The following ITPR1 variants were observed in gnomAD, a reference collection of about 807,000 sequenced individuals.
ITPR1 encodes inositol 1,4,5-trisphosphate receptor type 1.
ITPR1 carries 96 observed loss-of-function variants against 318.4 expected under a neutral mutation model. The ratio of observed to expected loss-of-function variants is 0.30; its 90% CI spans 0.26 to 0.36. ITPR1 has a LOEUF of 0.36. ITPR1 is among the 10% of genes least tolerant of loss of function. The pLI, the probability that ITPR1 is intolerant of heterozygous loss-of-function variation, is 1.00. For missense variants in ITPR1, 2,440 were observed against 3,460.2 expected, an observed-to-expected ratio of 0.71 and a Z score of 7.40; for synonymous variants, 1,312 against 1,289.9, an observed-to-expected ratio of 1.02 and a Z score of -0.37.
At chr3:4,767,802 T>C (rs1279324355) in intron 45 of ITPR1, among the ~76,000 whole-genome samples, 1 of 152,244 alleles carries the variant, frequency 6.6e-6, no homozygotes, top group African/African-American at 2.4e-5. Context: ...GTCCAGCCAC[T>C]GCGCTGGACT....
At chr3:4,510,038 G>C (rs1198166726) in intron 2 of ITPR1, among the ~76,000 whole-genome samples, 1 of 152,198 alleles carries the variant, frequency 6.6e-6, no homozygotes. Flanking sequence ...GTATAGAAGA[G>C]TATGTTGGAA....
At chr3:4,799,902 A>G (rs2048114993) in intron 53 of ITPR1, 1 of 152,586 alleles carries the variant, frequency 6.6e-6, no homozygotes, top group Non-Finnish European at 1.5e-5. Context: ...TTTAATAGAA[A>G]TTAAGTTTAG....
intron 61 of ITPR1, among the ~76,000 whole-genome samples, chr3:4,838,396 T>C (rs370601975): frequency 4.0e-5 from 6 of 150,172 alleles, no homozygotes; most frequent in African/African-American, 1.5e-4. Flanking sequence ...AGGACATTGG[T>C]GGCTACAGCT....
chr3:4,553,302 G>A (rs1195862898), intron 4 of ITPR1, among the ~76,000 whole-genome samples: 3 of 152,144 alleles, frequency 2.0e-5, no homozygotes, highest in Admixed American at 2.0e-4. Context: ...GACACAGATG[G>A]GCAGACTCCA....
In ITPR1 at chr3:4,702,856, G is replaced by T; in HGVS notation, c.4563G>T (p.Leu1521=). Residue 1521 remains leucine (L), a synonymous_variant, in exon 36 of 62, where the codon CTG becomes CTT. Transcript: ENST00000649015. The part of the protein sequence containing the change: ...LQTRQPVFVQ[L]LQGVFRVYHC... The stretch of plus-strand genomic sequence containing the variant: ...CTCGCCAGCCTGTCTTTGTGCAACT[G>T]CTGCAAGGCGTGTTCAGGGTTTACC... 6 of 1,613,848 alleles carry T rather than the reference G, an allele frequency of 3.7e-6. No homozygotes were observed. Among genetic ancestry groups the T allele is most frequent in the Non-Finnish European group, 5.1e-6 (6 of 1,179,812 alleles).
intron 2 of ITPR1, among the ~76,000 whole-genome samples, chr3:4,514,957 G>A (rs1042144922): frequency 2.0e-5 from 3 of 152,170 alleles, no homozygotes; most frequent in African/African-American, 4.8e-5. Context: ...TTGGCAAACC[G>A]TCCTTCTGTA....
intron 52 of ITPR1, 51 bp from the exon 53 acceptor site, chr3:4,795,014 G>C (rs1000820874): frequency 6.6e-7 from 1 of 1,518,502 alleles, no homozygotes; most frequent in Non-Finnish European, 8.9e-7. Context: ...CATTCCTGGC[G>C]TTCCGGCTTG....
chr3:4,840,029 CTTTTTTTTTT>C (rs56096727), intron 61 of ITPR1, among the ~76,000 whole-genome samples: 6 of 104,900 alleles, frequency 5.7e-5, no homozygotes, highest in East Asian at 5.1e-4. Flanking sequence ...AGCATAGCTG[CTTTTTTTTTT>C]TTTTTTTTTT....
chr3:4,818,197 C>T lies in ITPR1; in HGVS notation c.7983C>T (p.Ser2661=). ...CFIVLVKVKD[S]TEYTGPESYV... The stretch of plus-strand genomic sequence containing the variant: ...TCGTCCTGGTGAAAGTAAAGGACTC[C>T]ACCGAATATACTGGGCCTGAGAGTT... The change falls in exon 60 of 62, where the codon TCC becomes TCT. Residue 2661 remains serine, a synonymous_variant. Coordinates refer to ENST00000649015, the MANE Select transcript of ITPR1 (RefSeq NM_001378452.1). The T allele has an allele frequency of 6.3e-7, 1 of 1,594,850 alleles. No individual in the cohort carries two copies. The highest frequency in any genetic ancestry group is 1.3e-5 in the African/African-American group (1 of 74,820).
intron 40 of ITPR1, among the ~76,000 whole-genome samples, chr3:4,721,314 A>C (rs2042151339): frequency 1.3e-5 from 2 of 151,942 alleles, no homozygotes; most frequent in Admixed American, 1.3e-4. Context: ...CTTGTCCTAT[A>C]AACTGTAGGT....
intron 10 of ITPR1, among the ~76,000 whole-genome samples, chr3:4,647,658 T>C (rs2093490736): frequency 6.6e-6 from 1 of 152,364 alleles, no homozygotes; most frequent in South Asian, 2.1e-4. Flanking sequence ...TAGTGAAATT[T>C]CAATGTGGGT....
At chr3:4,580,543 G>T (rs2089222481) in intron 4 of ITPR1, among the ~76,000 whole-genome samples, 1 of 152,200 alleles carries the variant, frequency 6.6e-6, no homozygotes, top group Admixed American at 6.5e-5. Flanking sequence ...AGTGATACGG[G>T]GAGGTGACAG....
At chr3:4,700,369 C>A (rs1409435995) in intron 35 of ITPR1, among the ~76,000 whole-genome samples, 2 of 152,212 alleles carry the variant, frequency 1.3e-5, no homozygotes, top group African/African-American at 4.8e-5. Flanking sequence ...TCATATACTA[C>A]TCTATCCCTT....
At chr3:4,601,984 C>G (rs568202304) in intron 4 of ITPR1, among the ~76,000 whole-genome samples, 1 of 152,242 alleles carries the variant, frequency 6.6e-6, no homozygotes, top group African/African-American at 2.4e-5. Flanking sequence ...AAATGCAAAT[C>G]AAAATCACAG....
chr3:4,594,721 T>C (rs2090660048), intron 4 of ITPR1, among the ~76,000 whole-genome samples: 1 of 144,022 alleles, frequency 6.9e-6, no homozygotes, highest in African/African-American at 2.5e-5. Flanking sequence ...ACCCCCACCA[T>C]GGCCGTCTCA....
intron 52 of ITPR1, among the ~76,000 whole-genome samples, chr3:4,789,865 G>A (rs184498893): frequency 1.8e-4 from 28 of 152,246 alleles, no homozygotes; most frequent in Admixed American, 1.4e-3. Context: ...TGATCCATCC[G>A]CCTCAGCTTC....
At chr3:4,610,363 A>C (rs2091997746) in intron 4 of ITPR1, among the ~76,000 whole-genome samples, 1 of 151,764 alleles carries the variant, frequency 6.6e-6, no homozygotes, top group African/African-American at 2.4e-5. Flanking sequence ...TAATTGTTTG[A>C]ATGAGAGAGA....
At position 4,766,516 on chromosome 3, in the gene ITPR1, A is replaced by C; in HGVS notation, c.5545-14A>C. ...CAGTTACAGTGTTCACAATCTATGG[A>C]TTTTCCTTTGCAGCACTCCTTTTTC... is the stretch of plus-strand genomic sequence containing the variant. On this transcript the variant is annotated splice_polypyrimidine_tract_variant and intron_variant, in intron 44 of 61. Coordinates refer to ENST00000649015, the MANE Select transcript of ITPR1 (RefSeq NM_001378452.1). 1 of 1,612,558 alleles carries C rather than the reference A, an allele frequency of 6.2e-7. No homozygotes were observed. Among genetic ancestry groups the C allele is most frequent in the African/African-American group, 1.3e-5 (1 of 74,972 alleles).
intron 10 of ITPR1, among the ~76,000 whole-genome samples, chr3:4,649,401 A>G (rs973847542): frequency 1.3e-5 from 2 of 152,216 alleles, no homozygotes; most frequent in African/African-American, 2.4e-5. Flanking sequence ...AGACAACACC[A>G]TGTATTTTAT....
Sources: gnomAD v4.1 joint callset for allele counts (sites outside exome capture counted in the v4.1 genomes callset) on GRCh38, gnomAD v4.1.1 for gene constraint, MANE v1.5 for transcripts, NCBI Gene and HGNC (gene_info 2026-07-23, HGNC 2026-07-21) for gene names.